The following RIC8B variants were observed in gnomAD, a reference collection of about 807,000 sequenced individuals.
The protein encoded by RIC8B is RIC8 guanine nucleotide exchange factor B, also known as chaperone Ric-8B.
A neutral mutation model predicts 57.5 loss-of-function variants in RIC8B; 16 were observed. The observed-to-expected ratio is 0.28, with a 90% CI of 0.19 to 0.42. The LOEUF is 0.42. Among genes scored for constraint, RIC8B ranks in the 10% least tolerant of loss-of-function variants. The pLI, the probability that RIC8B is intolerant of heterozygous loss-of-function variation, is 1.00. For synonymous variants in RIC8B, 216 were observed against 250.8 expected, an observed-to-expected ratio of 0.86 and a Z score of 1.31; for missense variants, 481 against 677.0, an observed-to-expected ratio of 0.71 and a Z score of 3.21.
intron 2 of RIC8B, among the ~76,000 whole-genome samples, chr12:106,810,873 G>A (rs1238604107): frequency 2.0e-5 from 3 of 152,070 alleles, no homozygotes; most frequent in Non-Finnish European, 2.9e-5. Context: ...GTACATGCAC[G>A]ATCTCATTTA....
chr12:106,862,090 GTATTGTTAC>G (rs1949967130), intron 8 of RIC8B, among the ~76,000 whole-genome samples: 1 of 152,034 alleles, frequency 6.6e-6, no homozygotes, highest in Non-Finnish European at 1.5e-5. Flanking sequence ...GCCATGATTA[GTATTGTTAC>G]TGTCTTGGCT....
At chr12:106,863,360 GTAC>G (rs1258078104) in intron 8 of RIC8B, among the ~76,000 whole-genome samples, 2 of 152,074 alleles carry the variant, frequency 1.3e-5, no homozygotes, top group Non-Finnish European at 2.9e-5. Context: ...TAAAACCATT[GTAC>G]TAATAAACTC....
chr12:106,784,003 G>A lies in RIC8B; in HGVS notation c.91G>A (p.Ala31Thr). ...TCCCTTTTTTCCCCCTCAGCATAGGGCTACTTTCAAATTTGAATCAACAGA... is the reference window on the plus strand; with the variant it reads ...TCCCTTTTTTCCCCCTCAGCATAGGACTACTTTCAAATTTGAATCAACAGA... ...VLRDYSDKHRATFKFESTDED... is the reference protein window; with the variant it reads ...VLRDYSDKHRTTFKFESTDED... Residue 31 changes from alanine to threonine, a missense_variant, in exon 2 of 10, where the codon GCT becomes ACT. Ala to Thr is a moderately conservative substitution (Grantham distance 58). Transcript: ENST00000392837. 2 of 1,613,644 alleles carry A rather than the reference G, an allele frequency of 1.2e-6. No individual in the cohort carries two copies. Among genetic ancestry groups the A allele is most frequent in the Non-Finnish European group, 1.7e-6 (2 of 1,179,728 alleles).
intron 9 of RIC8B, chr12:106,878,893 G>A (rs180873815): frequency 1.7e-4 from 118 of 711,358 alleles, no homozygotes; most frequent in Non-Finnish European, 1.0e-4. Flanking sequence ...GAACTATTAT[G>A]CAGTACTCAA....
chr12:106,850,386 A>G (rs1465154405), intron 6 of RIC8B, among the ~76,000 whole-genome samples: 3 of 152,232 alleles, frequency 2.0e-5, no homozygotes, highest in African/African-American at 4.8e-5. Flanking sequence ...ATATTCCAAC[A>G]TTAACAAAAC....
chr12:106,880,820 T>A (rs1025011615), intron 9 of RIC8B, among the ~76,000 whole-genome samples: 18 of 151,988 alleles, frequency 1.2e-4, no homozygotes, highest in Admixed American at 8.5e-4. Flanking sequence ...GCCCTCAAGT[T>A]GCTCACAGTC....
At chr12:106,881,279 T>A (rs1298454360) in intron 9 of RIC8B, among the ~76,000 whole-genome samples, 2 of 151,954 alleles carry the variant, frequency 1.3e-5, no homozygotes, top group African/African-American at 4.8e-5. Context: ...TCCAGACTTG[T>A]CAGCCTAGGA....
At chr12:106,860,462 G>T in intron 8 of RIC8B, 50 bp downstream of exon 8, 4 of 1,292,774 alleles carry the variant, frequency 3.1e-6, no homozygotes, top group South Asian at 4.1e-5. Flanking sequence ...CCTTTGAGTT[G>T]GTTATTTCCT....
At chr12:106,872,502 C>T (rs805503) in intron 9 of RIC8B, among the ~76,000 whole-genome samples, 1 of 152,040 alleles carries the variant, frequency 6.6e-6, no homozygotes, top group East Asian at 1.9e-4. Context: ...AACCCTGTCT[C>T]TACTGAAAAT....
intron 9 of RIC8B, among the ~76,000 whole-genome samples, chr12:106,883,250 T>C (rs1951034314): frequency 6.6e-6 from 1 of 152,132 alleles, no homozygotes; most frequent in Non-Finnish European, 1.5e-5. Flanking sequence ...AGTGTTTCAT[T>C]CCCAGCAGGT....
At chr12:106,798,890 T>A (rs747970666) in intron 2 of RIC8B, among the ~76,000 whole-genome samples, 66 of 152,360 alleles carry the variant, frequency 4.3e-4, no homozygotes, top group Non-Finnish European at 7.3e-4. Flanking sequence ...TATTGAAATT[T>A]AGCATTTCTT....
chr12:106,865,751 T>A (rs71452928), intron 8 of RIC8B, among the ~76,000 whole-genome samples: 3,569 of 152,284 alleles, frequency 0.023, 54 homozygotes, highest in Non-Finnish European at 0.037. Flanking sequence ...GTTAGTGGGA[T>A]CCTTTTAATA....
intron 2 of RIC8B, among the ~76,000 whole-genome samples, chr12:106,806,127 A>G (rs2045005763): frequency 6.6e-6 from 1 of 152,096 alleles, no homozygotes; most frequent in African/African-American, 2.4e-5. Flanking sequence ...TTGTAATTTT[A>G]GTAGAGACGG....
chr12:106,839,773 T>C (rs1244623219), intron 4 of RIC8B, among the ~76,000 whole-genome samples: 1 of 152,212 alleles, frequency 6.6e-6, no homozygotes, highest in African/African-American at 2.4e-5. Context: ...TCCAGCACTT[T>C]GGGAAGCCAT....
chr12:106,856,629 C>G (rs1363334688), intron 7 of RIC8B, among the ~76,000 whole-genome samples: 1 of 152,104 alleles, frequency 6.6e-6, no homozygotes, highest in Non-Finnish European at 1.5e-5. Context: ...GCCATTTTTC[C>G]TTCTCTGTTG....
intron 9 of RIC8B, among the ~76,000 whole-genome samples, chr12:106,880,229 T>C (rs1310656038): frequency 2.0e-5 from 3 of 152,140 alleles, no homozygotes; most frequent in African/African-American, 7.2e-5. Flanking sequence ...GGGCTTGTGG[T>C]CTTGGTGTAT....
chr12:106,878,116 C>T (rs577586355), intron 9 of RIC8B, among the ~76,000 whole-genome samples: 1 of 152,036 alleles, frequency 6.6e-6, no homozygotes, highest in South Asian at 2.1e-4. Context: ...AAAGATGTAG[C>T]CTAGACCTCA....
At chr12:106,861,311 A>G (rs962269400) in intron 8 of RIC8B, among the ~76,000 whole-genome samples, 4 of 152,034 alleles carry the variant, frequency 2.6e-5, no homozygotes, top group Admixed American at 2.6e-4. Context: ...AGGATAGACT[A>G]TCTTTATCTG....
At chr12:106,843,756 A>G (rs1949063382) in intron 5 of RIC8B, 96 bp from the exon 6 acceptor site, 1 of 880,720 alleles carries the variant, frequency 1.1e-6, no homozygotes, top group Admixed American at 2.6e-5. Flanking sequence ...TCCCCACCTC[A>G]AAAACAAATT....
Sources: gnomAD v4.1 joint callset for allele counts (sites outside exome capture counted in the v4.1 genomes callset) on GRCh38, gnomAD v4.1.1 for gene constraint, MANE v1.5 for transcripts, NCBI Gene and HGNC (gene_info 2026-07-23, HGNC 2026-07-21) for gene names.